Variants in SYNE3 observed in about 807,000 individuals in gnomAD.
SYNE3 encodes the protein spectrin repeat containing nuclear envelope family member 3, also known as nesprin-3.
SYNE3 carries 100 observed loss-of-function variants against 111.2 expected under a neutral mutation model. That is an observed-to-expected ratio of 0.90 (90% CI 0.77 to 1.06). The LOEUF is 1.06. SYNE3 is among the 50% of genes least tolerant of loss of function. The probability of loss-of-function intolerance (pLI) is 0.00; values close to 1 mark genes in which losing one functional copy is unlikely to be tolerated. For synonymous variants in SYNE3, 547 were observed against 533.9 expected, an observed-to-expected ratio of 1.02 and a Z score of -0.34; for missense variants, 1,160 against 1,240.3, an observed-to-expected ratio of 0.94 and a Z score of 0.97.
At chr14:95,421,843 C>T (rs571366667) in intron 17 of SYNE3, among the ~76,000 whole-genome samples, 1 of 152,342 alleles carries the variant, frequency 6.6e-6, no homozygotes, top group South Asian at 2.1e-4. Flanking sequence ...TTTGCACAGG[C>T]TGTCCCGTGT....
chr14:95,440,191 C>T (rs1886338604), intron 11 of SYNE3, 116 bp from the exon 12 acceptor site: 2 of 1,156,292 alleles, frequency 1.7e-6, no homozygotes, highest in East Asian at 4.9e-5. Flanking sequence ...GGGCTCCCCA[C>T]CAAGTAGCAC....
At chr14:95,439,519 A>G in intron 13 of SYNE3, 93 bp downstream of exon 13, 1 of 1,529,534 alleles carries the variant, frequency 6.5e-7, no homozygotes, top group Non-Finnish European at 8.9e-7. Context: ...ACTGGGCAGC[A>G]CCCTGGCCCT....
chr14:95,456,396 C>T (rs942704626), intron 5 of SYNE3, among the ~76,000 whole-genome samples: 7 of 152,238 alleles, frequency 4.6e-5, no homozygotes, highest in East Asian at 3.9e-4. Context: ...GCCTGCACCA[C>T]GGTTCTTCTC....
intron 15 of SYNE3, 57 bp downstream of exon 15, chr14:95,436,763 C>A: frequency 6.3e-7 from 1 of 1,586,328 alleles, no homozygotes; most frequent in Non-Finnish European, 8.6e-7. Context: ...TCCCTGGTGG[C>A]AAATGCCTCT....
intron 14 of SYNE3, chr14:95,438,173 G>A (rs2139387933): frequency 6.6e-6 from 1 of 152,332 alleles, no homozygotes; most frequent in East Asian, 1.9e-4. Context: ...AAACTCCTGG[G>A]CTCAAGTGAT....
chr14:95,441,933 C>T (rs1886437604), intron 11 of SYNE3, among the ~76,000 whole-genome samples: 1 of 152,128 alleles, frequency 6.6e-6, no homozygotes, highest in Non-Finnish European at 1.5e-5. Context: ...GGTGGATAGT[C>T]CACAAATGCA....
chr14:95,481,713 T>C (rs568876457), intron 1 of SYNE3, among the ~76,000 whole-genome samples: 40 of 152,228 alleles, frequency 2.6e-4, no homozygotes, highest in African/African-American at 8.9e-4. Flanking sequence ...GAGAAATAGA[T>C]GTGTGGGCCC....
In SYNE3 at chr14:95,444,620, G is replaced by A. The variant is rs779234406; in HGVS notation, c.1641C>T (p.Leu547=). 1.0e-5 allele frequency: 16 copies of A among 1,594,096 alleles called. No individual in the cohort carries two copies. In the Admixed American group the frequency reaches 1.2e-4, roughly 12 times the overall value. ...CTGCTCCAAAGTCTTTGTGCTGAGC[G>A]AGCAGGCTCTGCAGAGACACAGGAC... ...LQRKSKLQSL[L]AQHKDFGAAF... is the part of the protein sequence containing the mutation. Residue 547 remains leucine (L), a synonymous_variant, in exon 10 of 18, where the codon CTC becomes CTT. Coordinates refer to ENST00000682763, the MANE Select transcript of SYNE3 (RefSeq NM_152592.6).
chr14:95,466,943 G>A (rs560619052), intron 3 of SYNE3, among the ~76,000 whole-genome samples: 130 of 152,294 alleles, frequency 8.5e-4, no homozygotes, highest in Non-Finnish European at 1.5e-3. Flanking sequence ...CTGTGGGCTC[G>A]TTGCACCCAA....
rs138609607 is a variant in SYNE3, at chr14:95,434,900, C to T, written c.2539-1491G>A. Among the ~76,000 whole-genome samples the T allele has an allele frequency of 5.5e-3, 837 of 152,272 alleles. 8 individuals carry two copies. The highest frequency in any genetic ancestry group is 0.019 in the African/African-American group (803 of 41,548). On this transcript the variant is annotated intron_variant, in intron 15 of 17. Transcript: ENST00000682763. ...AACTCCTGACCTCAGGTGATCCACC[C>T]GCCTCAGCCTCCCAAAGTGCGGGGA...
chr14:95,443,231 AC>A lies in SYNE3; in HGVS notation c.1834del (p.Val612SerfsTer55). The A allele has an allele frequency of 6.2e-7, 1 of 1,614,194 alleles. No homozygotes were observed. Among genetic ancestry groups the A allele is most frequent in the East Asian group, 2.2e-5 (1 of 44,888 alleles). ...GTGCTGGTGGTTGGGGTTCTCCTGG[AC>A]CAGAGGCCTTGCAGCCTCCATCTGT... The part of the protein sequence containing the change: ...GAQMEAARPL[V>X]QENPNHQHKM... On this transcript the variant is annotated frameshift_variant, in exon 11 of 18. Transcript: ENST00000682763. LOFTEE classifies it high-confidence loss of function.
rs34798722 is a variant in SYNE3 at position 95,435,241 on chromosome 14, G to GA, written c.2538+1578dup. Among the ~76,000 whole-genome samples the GA allele has an allele frequency of 8.8e-3, 1,297 of 147,740 alleles. 15 individuals carry two copies. The highest frequency in any genetic ancestry group is 0.03 in the African/African-American group (1,197 of 40,358). On this transcript the variant is annotated intron_variant, in intron 15 of 17. Transcript: ENST00000682763. ...AGTTAAGACAGGAGCTATAAAATAA[G>GA]AAAAAAAAAAGATAAGAAAAATGAT...
intron 8 of SYNE3, among the ~76,000 whole-genome samples, chr14:95,448,923 T>C (rs1365283436): frequency 1.3e-5 from 2 of 152,168 alleles, no homozygotes; most frequent in South Asian, 4.1e-4. Context: ...TAATGGGAGC[T>C]TTTTGTTTTC....
intron 14 of SYNE3, among the ~76,000 whole-genome samples, chr14:95,437,326 T>C (rs371301165): frequency 2.0e-5 from 3 of 152,338 alleles, no homozygotes; most frequent in African/African-American, 7.2e-5. Flanking sequence ...TTCAGCTAAC[T>C]TCTTGGTTAT....
chr14:95,501,605 G>A (rs1417589297), intron 1 of SYNE3, among the ~76,000 whole-genome samples: 1 of 152,204 alleles, frequency 6.6e-6, no homozygotes, highest in Non-Finnish European at 1.5e-5. Context: ...GTTCAGAGGG[G>A]ACACAGCAGG....
rs1397862759 is a variant in SYNE3 at position 95,436,985 on chromosome 14, T to C, written c.2377-4A>G. 22 of 1,614,030 alleles carry C rather than the reference T, an allele frequency of 1.4e-5. No homozygotes were observed. The highest frequency in any genetic ancestry group is 1.9e-5 in the Non-Finnish European group (22 of 1,180,040). Reference sequence around the variant, plus strand: ...CTTCTTCCTGTAGAAGATTTGCCTGTAGGATCACACACGGCCAAAGCGTCA... The same window carrying C: ...CTTCTTCCTGTAGAAGATTTGCCTGCAGGATCACACACGGCCAAAGCGTCA... On this transcript the variant is annotated splice_region_variant and splice_polypyrimidine_tract_variant and intron_variant, in intron 14 of 17. Coordinates refer to ENST00000682763, the MANE Select transcript of SYNE3 (RefSeq NM_152592.6).
At chr14:95,458,483 C>A (rs1887598607) in intron 4 of SYNE3, among the ~76,000 whole-genome samples, 1 of 152,212 alleles carries the variant, frequency 6.6e-6, no homozygotes, top group Non-Finnish European at 1.5e-5. Flanking sequence ...TGCTTAACAA[C>A]CTTGAGGCAT....
intron 9 of SYNE3, among the ~76,000 whole-genome samples, chr14:95,444,968 T>C (rs4905309): frequency 0.7 from 106,192 of 152,190 alleles, 38,152 homozygotes; most frequent in African/African-American, 0.87. Flanking sequence ...GCAGTGGTGG[T>C]GCTGAGGAGC....
chr14:95,446,114 GA>G, intron 8 of SYNE3, 23 bp from the exon 9 acceptor site: 1 of 1,613,030 alleles, frequency 6.2e-7, no homozygotes, highest in Non-Finnish European at 8.5e-7. Context: ...AGGCTTCCGT[GA>G]ACCACAGACC....
Sources: gnomAD v4.1 joint callset for allele counts (sites outside exome capture counted in the v4.1 genomes callset) on GRCh38, gnomAD v4.1.1 for gene constraint, MANE v1.5 for transcripts, NCBI Gene and HGNC (gene_info 2026-07-23, HGNC 2026-07-21) for gene names.